TET2: variants seen among roughly 807,000 people sequenced by gnomAD.
The protein encoded by TET2 is methylcytosine dioxygenase TET2.
A neutral mutation model predicts 142.9 loss-of-function variants in TET2; 299 were observed. The observed-to-expected ratio is 2.09, with a 90% CI of 1.90 to 2.30. The LOEUF (loss-of-function observed/expected upper bound fraction) is 2.30, where lower values mean the gene tolerates loss of function less well. Among genes scored for constraint, TET2 ranks in the 30% most tolerant of loss-of-function variants. TET2 has a pLI of 0.00. For synonymous variants in TET2, 819 were observed against 849.0 expected (o/e 0.96, Z 0.61); for missense variants, 2,418 against 2,378.0 (o/e 1.02, Z -0.35).
At chr4:105,185,786 T>TA (rs980296529) in intron 1 of TET2, among the ~76,000 whole-genome samples, 1 of 150,664 alleles carries the variant, frequency 6.6e-6, no homozygotes, top group African/African-American at 2.4e-5. Flanking sequence ...CTCTAAAAAA[T>TA]AAAAAATAAA....
In TET2 at chr4:105,233,383, C is replaced by CAAAAAAAAAAAAAAAAAA. The variant is rs34890297; in HGVS notation, c.-46-513_-46-496dup. On this transcript the variant is annotated intron_variant, in intron 2 of 10. Transcript: ENST00000380013. ...TGGGCAAGAGAGTGAGACTCCATCT[C>CAAAAAAAAAAAAAAAAAA]AAAAAAAAAAAAAAAAAAGCTACTG... Among the ~76,000 whole-genome samples the CAAAAAAAAAAAAAAAAAA allele has an allele frequency of 1.8e-4, 14 of 76,140 alleles. 1 individual carries two copies. The highest frequency in any genetic ancestry group is 4.9e-4 in the African/African-American group (8 of 16,278). The allele number at this position is 76,140 out of a possible 152,430, so 50.0% of individuals were successfully genotyped here. A position where few individuals can be genotyped will look rare whatever the true frequency, so the allele number is the denominator to read the frequency against.
chr4:105,241,735 C>T (rs1045177185), intron 4 of TET2: 4 of 1,256,216 alleles, frequency 3.2e-6, no homozygotes, highest in Middle Eastern at 3.1e-4. Context: ...CAGGCTCCAA[C>T]GAGAGGTCCC....
chr4:105,259,830 T>A, intron 7 of TET2, 61 bp downstream of exon 7: 1 of 1,486,178 alleles, frequency 6.7e-7, no homozygotes, highest in Admixed American at 2.1e-5. Context: ...TTAGCTTAGA[T>A]GAAGTGAACA....
At chr4:105,262,664 C>T (rs544180870) in intron 8 of TET2, among the ~76,000 whole-genome samples, 1 of 152,120 alleles carries the variant, frequency 6.6e-6, no homozygotes, top group East Asian at 1.9e-4. Flanking sequence ...GGTGGATCAC[C>T]TGAGGTCAGG....
rs1383015342 is a variant in TET2 at position 105,275,128 on chromosome 4, C to A, written c.4618C>A (p.Gln1540Lys). 6.4e-7 allele frequency: 1 copy of A among 1,551,512 alleles called. No homozygotes were observed. Among genetic ancestry groups the A allele is most frequent in the Non-Finnish European group, 8.7e-7 (1 of 1,146,728 alleles). Residue 1540 changes from glutamine to lysine, a missense_variant, in exon 11 of 11, where the codon CAG (glutamine) becomes AAG (lysine). By Grantham distance (53) the Gln-to-Lys change is moderately conservative. Transcript: ENST00000380013. ...ACAGAAGCAGCCACCACAGCCCCAG[C>A]AGCAGCAGAGACCCCAGCAGCAGCA... ...PLQKQPPQPQQQQRPQQQQPH... is the reference protein window; with the variant it reads ...PLQKQPPQPQKQQRPQQQQPH...
At chr4:105,200,868 C>G (rs879283691) in intron 2 of TET2, among the ~76,000 whole-genome samples, 2 of 152,020 alleles carry the variant, frequency 1.3e-5, no homozygotes, top group African/African-American at 2.4e-5. Flanking sequence ...ACCATGTTGG[C>G]CAGGATGGTC....
chr4:105,238,886 T>C (rs370649880), intron 3 of TET2: 64 of 239,182 alleles, frequency 2.7e-4, no homozygotes, highest in African/African-American at 1.2e-3. Flanking sequence ...AGCTGTAGAC[T>C]AACAATATAT....
chr4:105,213,135 C>T (rs925091849), intron 2 of TET2, among the ~76,000 whole-genome samples: 4 of 152,026 alleles, frequency 2.6e-5, no homozygotes, highest in African/African-American at 9.7e-5. Flanking sequence ...TAAATCTTAA[C>T]TCCTCAATTC....
intron 1 of TET2, among the ~76,000 whole-genome samples, chr4:105,185,122 A>G (rs1170163466): frequency 6.6e-6 from 1 of 152,176 alleles, no homozygotes; most frequent in Non-Finnish European, 1.5e-5. Context: ...CTAGCTTGTA[A>G]TGATATATTC....
At position 105,276,244 on chromosome 4, in the gene TET2, C is replaced by G; in HGVS notation, c.5734C>G (p.His1912Asp). Reference sequence around the variant, plus strand: ...GCATAAGAGCATGAATGAGCCAAAACATGGCTTGGCTCTTTGGGAAGCCAA... The same window carrying G: ...GCATAAGAGCATGAATGAGCCAAAAGATGGCTTGGCTCTTTGGGAAGCCAA... ...YQHKSMNEPK[H>D]GLALWEAKMA... Residue 1912 changes from histidine to aspartate, a missense_variant, in exon 11 of 11, where the codon CAT (histidine) becomes GAT (aspartate). By Grantham distance (81) the His-to-Asp change is moderately conservative. Coordinates refer to ENST00000380013, the MANE Select transcript of TET2 (RefSeq NM_001127208.3). 6.4e-7 allele frequency: 1 copy of G among 1,551,684 alleles called. No homozygotes were observed. The highest frequency in any genetic ancestry group is 8.7e-7 in the Non-Finnish European group (1 of 1,146,974).
chr4:105,271,202 C>T (rs982609749), intron 9 of TET2, among the ~76,000 whole-genome samples: 23 of 152,204 alleles, frequency 1.5e-4, no homozygotes, highest in African/African-American at 5.3e-4. Flanking sequence ...GCACATTAGC[C>T]GTAGGTTCTG....
intron 2 of TET2, among the ~76,000 whole-genome samples, chr4:105,218,623 T>C (rs1472380451): frequency 1.3e-5 from 2 of 152,058 alleles, no homozygotes; most frequent in African/African-American, 4.8e-5. Context: ...CCTCGTATTA[T>C]AAATTTTTAA....
intron 1 of TET2, among the ~76,000 whole-genome samples, chr4:105,158,954 C>T (rs1193949827): frequency 1.3e-5 from 2 of 152,152 alleles, no homozygotes; most frequent in East Asian, 1.9e-4. Flanking sequence ...CAGTTACACG[C>T]GGTCACATCA....
intron 1 of TET2, among the ~76,000 whole-genome samples, chr4:105,175,883 A>G (rs569750402): frequency 6.6e-6 from 1 of 152,292 alleles, no homozygotes; most frequent in South Asian, 2.1e-4. Flanking sequence ...ATCCTCATAA[A>G]CCATACAAAT....
chr4:105,278,192 ATATATATATAT>A lies in TET2; in HGVS notation c.*1674_*1684del, dbSNP rs976034783. The A allele has an allele frequency of 1.3e-5, 2 of 157,568 alleles. No individual in the cohort carries two copies. Among genetic ancestry groups the A allele is most frequent in the African/African-American group, 5.2e-5 (2 of 38,440 alleles). 9.8% of individuals were successfully genotyped at this position (157,568 alleles called of 1,614,324 possible). A position where few individuals can be genotyped will look rare whatever the true frequency, so the allele number is the denominator to read the frequency against. On this transcript the variant is annotated 3_prime_UTR_variant, in exon 11 of 11. Transcript: ENST00000380013. ...TATACATATATATATATATATATAT[ATATATATATAT>A]GAGTTTGAAGCAGAATTCACATCAT...
chr4:105,233,442 AAGATCTGAGCTATGAAGTGGC>A (rs1320185845), intron 2 of TET2, among the ~76,000 whole-genome samples: 5 of 150,652 alleles, frequency 3.3e-5, no homozygotes, highest in Non-Finnish European at 7.4e-5. Flanking sequence ...TGATAAAGAG[AAGATCTGAGCTATGAAGTGGC>A]AGTCAAGATG....
chr4:105,242,274 GTTGTTTTTTTGTT>G (rs973840269), intron 4 of TET2: 7 of 1,082,070 alleles, frequency 6.5e-6, no homozygotes, highest in Admixed American at 5.3e-5. Context: ...CCTTTTTTTT[GTTGTTTTTTTGTT>G]TTGTTTTTTA....
At chr4:105,237,690 C>CA (rs1443319769) in intron 3 of TET2, 26 of 1,174,040 alleles carry the variant, frequency 2.2e-5, no homozygotes, top group Non-Finnish European at 2.5e-5. Flanking sequence ...AGCTAGGCAG[C>CA]AAAAAAACAA....
chr4:105,279,624 C>T lies in TET2; in HGVS notation c.*3105C>T, dbSNP rs58428131. 6.1e-3 allele frequency: 1,404 copies of T among 231,794 alleles called. 27 individuals are homozygous for T. The highest frequency in any genetic ancestry group is 0.029 in the African/African-American group (1,316 of 45,360). The allele number at this position is 231,794 out of a possible 1,614,324, so 14.4% of individuals were successfully genotyped here. A position where few individuals can be genotyped will look rare whatever the true frequency, so the allele number is the denominator to read the frequency against. On this transcript the variant is annotated 3_prime_UTR_variant, in exon 11 of 11. Transcript: ENST00000380013. ...GCATTTTTCTATGCTTTTTTAAAAACTAGTTTCATTTCATTTTCATGAGAT... is the reference window on the plus strand; with the variant it reads ...GCATTTTTCTATGCTTTTTTAAAAATTAGTTTCATTTCATTTTCATGAGAT...
Sources: gnomAD v4.1 joint callset for allele counts (sites outside exome capture counted in the v4.1 genomes callset) on GRCh38, gnomAD v4.1.1 for gene constraint, MANE v1.5 for transcripts, NCBI Gene and HGNC (gene_info 2026-07-23, HGNC 2026-07-21) for gene names.